UTS2: variants seen among roughly 807,000 people sequenced by gnomAD.
UTS2 encodes urotensin 2.
A neutral mutation model predicts 12.6 loss-of-function variants in UTS2; 10 were observed. That is an observed-to-expected ratio of 0.80 (90% CI 0.49 to 1.35). The LOEUF (loss-of-function observed/expected upper bound fraction) is 1.35, where lower values mean the gene tolerates loss of function less well. Among genes scored for constraint, UTS2 ranks in the 40% most tolerant of loss-of-function variants. UTS2 has a pLI of 0.00. For synonymous variants in UTS2, 52 were observed against 50.0 expected (o/e 1.04, Z -0.17); for missense variants, 142 against 143.2 (o/e 0.99, Z 0.04).
chr1:7,853,113 A>G, upstream of UTS2: 1 of 1,474,830 alleles, frequency 6.8e-7, no homozygotes, highest in Non-Finnish European at 8.9e-7. Context: ...ATGACCTGAC[A>G]TCATCCTCTC....
At chr1:7,882,446 C>T in the UTS2 span, among the ~76,000 whole-genome samples, 1 of 152,080 alleles carries the variant, frequency 6.6e-6, no homozygotes, top group South Asian at 2.1e-4. Context: ...GGATTAAAGA[C>T]TTAAATGTTA....
At chr1:7,868,640 A>C in the UTS2 span, among the ~76,000 whole-genome samples, 2 of 152,220 alleles carry the variant, frequency 1.3e-5, no homozygotes, top group Non-Finnish European at 2.9e-5. Context: ...GTGAGCAAAC[A>C]ACCTAGGTGG....
chr1:7,878,856 C>T, the UTS2 span, among the ~76,000 whole-genome samples: 1 of 151,974 alleles, frequency 6.6e-6, no homozygotes, highest in Non-Finnish European at 1.5e-5. Flanking sequence ...ACCGAAAGAG[C>T]CAGGAGTAGC....
At chr1:7,895,332 G>A in the UTS2 span, among the ~76,000 whole-genome samples, 1 of 152,002 alleles carries the variant, frequency 6.6e-6, no homozygotes, top group Admixed American at 6.6e-5. Context: ...TTGAGCCACT[G>A]CACTCCAGCC....
At chr1:7,884,528 C>G in the UTS2 span, among the ~76,000 whole-genome samples, 1 of 152,070 alleles carries the variant, frequency 6.6e-6, no homozygotes, top group African/African-American at 2.4e-5. Flanking sequence ...AGGCTGGTCT[C>G]AAATTCCTGG....
At chr1:7,852,081 A>C (rs760713344) in intron 1 of UTS2, among the ~76,000 whole-genome samples, 34 of 152,342 alleles carry the variant, frequency 2.2e-4, no homozygotes, top group East Asian at 1.9e-4. Context: ...GACGATCATC[A>C]GAAAGCTGCT....
At chr1:7,905,635 CAAGG>C in the UTS2 span, among the ~76,000 whole-genome samples, 2 of 152,070 alleles carry the variant, frequency 1.3e-5, no homozygotes, top group African/African-American at 4.8e-5. Flanking sequence ...TGCAGTGTTC[CAAGG>C]AAGAGGGGAA....
Position 7,850,895 on chromosome 1 carries a change from G to A in UTS2, c.131C>T (p.Pro44Leu), listed in dbSNP as rs771653404. ...SAPHEDARLT[P>L]EELERASLLQ... ...AAGGGAAGCTCTTTCTAGCTCCTCC[G>A]GAGTTAAGCGCGCGTCTTCATGAGG... Residue 44 changes from proline (P) to leucine (L), a missense_variant, in exon 2 of 4, where the codon CCG becomes CTG. Coordinates refer to ENST00000361696, the MANE Select transcript of UTS2 (RefSeq NM_006786.4). 1.2e-5 allele frequency: 20 copies of A among 1,614,032 alleles called. No individual in the cohort carries two copies. Among genetic ancestry groups the A allele is most frequent in the Non-Finnish European group, 1.5e-5 (18 of 1,180,034 alleles).
chr1:7,884,941 T>C, the UTS2 span, among the ~76,000 whole-genome samples: 9 of 145,362 alleles, frequency 6.2e-5, no homozygotes, highest in South Asian at 2.2e-4. Flanking sequence ...CACCTATCAT[T>C]CATCCATCCA....
At chr1:7,886,869 G>C in the UTS2 span, among the ~76,000 whole-genome samples, 4 of 151,866 alleles carry the variant, frequency 2.6e-5, no homozygotes, top group East Asian at 1.9e-4. Flanking sequence ...TGACCAACAT[G>C]GTGAAACCCA....
At chr1:7,876,506 A>G in the UTS2 span, among the ~76,000 whole-genome samples, 1 of 151,986 alleles carries the variant, frequency 6.6e-6, no homozygotes, top group Non-Finnish European at 1.5e-5. Context: ...CATGAGACCC[A>G]CTCACCCACC....
the UTS2 span, among the ~76,000 whole-genome samples, chr1:7,884,174 T>C: frequency 6.6e-6 from 1 of 152,240 alleles, no homozygotes; most frequent in Non-Finnish European, 1.5e-5. Context: ...GCCTGTATTT[T>C]TTCATTGATG....
chr1:7,869,665 C>T, the UTS2 span, among the ~76,000 whole-genome samples: 3 of 152,188 alleles, frequency 2.0e-5, no homozygotes, highest in East Asian at 1.9e-4. Context: ...TGCCAAGGAG[C>T]GATGTTCCGG....
the UTS2 span, among the ~76,000 whole-genome samples, chr1:7,890,844 CAA>C: frequency 0.017 from 1,908 of 112,222 alleles, 49 homozygotes; most frequent in African/African-American, 0.054. Flanking sequence ...AAGACTGTCT[CAA>C]AAAAAAAAAA....
At chr1:7,885,615 GCC>G in the UTS2 span, among the ~76,000 whole-genome samples, 1 of 152,046 alleles carries the variant, frequency 6.6e-6, no homozygotes, top group African/African-American at 2.4e-5. Context: ...GGTGAGGACA[GCC>G]CAGGGCTGGG....
At position 7,852,916 on chromosome 1, in the gene UTS2, A is replaced by T. The variant is rs1414212915; in HGVS notation, c.88T>A (p.Ser30Thr). 2 of 1,610,082 alleles carry T rather than the reference A, an allele frequency of 1.2e-6. No individual in the cohort carries two copies. The highest frequency in any genetic ancestry group is 2.7e-5 in the African/African-American group (2 of 74,806). Residue 30 changes from serine (S) to threonine (T), a missense_variant, in exon 1 of 4, where the codon TCC (serine) becomes ACC (threonine). Ser to Thr is a moderately conservative substitution (Grantham distance 58). Transcript: ENST00000361696. ...SLPLLDSREI[S>T]FQLSAPHEDA... is the part of the protein sequence containing the mutation. ...AAAATCTTACCTGAGAGTTGAAAGG[A>T]TATTTCCCTGGAGTCAAGGAGAGGA...
the UTS2 span, among the ~76,000 whole-genome samples, chr1:7,860,353 TG>T: frequency 1.3e-5 from 2 of 151,984 alleles, no homozygotes; most frequent in Admixed American, 6.6e-5. Context: ...GCCAAGGCCC[TG>T]GGGTGGGACT....
the UTS2 span, among the ~76,000 whole-genome samples, chr1:7,891,587 A>AGAAAGAAG: frequency 2.0e-5 from 3 of 151,790 alleles, no homozygotes; most frequent in African/African-American, 4.8e-5. Context: ...AAAGAAAGAA[A>AGAAAGAAG]GAAAGAAAGA....
chr1:7,879,315 C>G, the UTS2 span, among the ~76,000 whole-genome samples: 1 of 152,114 alleles, frequency 6.6e-6, no homozygotes, highest in Non-Finnish European at 1.5e-5. Flanking sequence ...AGTATCTTCT[C>G]AAACCATAGC....
Sources: gnomAD v4.1 joint callset for allele counts (sites outside exome capture counted in the v4.1 genomes callset) on GRCh38, gnomAD v4.1.1 for gene constraint, MANE v1.5 for transcripts, NCBI Gene and HGNC (gene_info 2026-07-23, HGNC 2026-07-21) for gene names.